CMKLR2: variants seen among roughly 807,000 people sequenced by gnomAD.
CMKLR2 encodes the protein chemerin-like receptor 2.
In CMKLR2, 18 loss-of-function variants were observed where a neutral mutation model predicts 23.0. The observed-to-expected ratio is 0.78, with a 90% CI of 0.54 to 1.16. CMKLR2 has a LOEUF of 1.16. Ranked by LOEUF, CMKLR2 falls within the 50% of genes most tolerant of loss-of-function variation. CMKLR2 has a pLI of 0.00. For synonymous variants in CMKLR2, 158 were observed against 158.9 expected (o/e 0.99, Z 0.05); for missense variants, 401 against 412.7 (o/e 0.97, Z 0.25).
intron 1 of CMKLR2, among the ~76,000 whole-genome samples, chr2:206,181,285 C>A (rs1688404809): frequency 6.6e-6 from 1 of 152,028 alleles, no homozygotes; most frequent in Admixed American, 6.6e-5. Flanking sequence ...GTCTTGATCT[C>A]CTGACCTCAA....
At chr2:206,207,928 G>A (rs1689398945) in intron 1 of CMKLR2, among the ~76,000 whole-genome samples, 2 of 151,282 alleles carry the variant, frequency 1.3e-5, no homozygotes, top group Admixed American at 1.3e-4. Context: ...TTTTAGTAGA[G>A]ACAGTTTCTC....
Position 206,177,095 on chromosome 2 carries a change from C to G in CMKLR2, c.153G>C (p.Leu51=), listed in dbSNP as rs1688256028. The stretch of plus-strand genomic sequence containing the variant: ...TGACGATGGCATTTCCTGGAATTCC[C>G]AGAACAAAAGCCAAACAATATAACA... ...SLVLYCLAFV[L]GIPGNAIVIW... is the part of the protein sequence containing the mutation. Residue 51 remains leucine, a synonymous_variant, in exon 2 of 2, where the codon CTG becomes CTC. Coordinates refer to ENST00000621141, the MANE Select transcript of CMKLR2 (RefSeq NM_001389445.1). 1 of 1,614,168 alleles carries G rather than the reference C, an allele frequency of 6.2e-7. No individual in the cohort carries two copies. The highest frequency in any genetic ancestry group is 8.5e-7 in the Non-Finnish European group (1 of 1,180,040).
At chr2:206,210,118 C>G (rs921367809) in intron 1 of CMKLR2, among the ~76,000 whole-genome samples, 1 of 151,940 alleles carries the variant, frequency 6.6e-6, no homozygotes, top group South Asian at 2.1e-4. Context: ...TGTGCGCCAC[C>G]ATGACTGGCT....
At chr2:206,215,539 A>G (rs980894350), upstream of CMKLR2, among the ~76,000 whole-genome samples, 1 of 152,224 alleles carries the variant, frequency 6.6e-6, no homozygotes, top group African/African-American at 2.4e-5. Context: ...GAAACCCAGG[A>G]AAGTGTAAGC....
chr2:206,194,119 A>G (rs1358168470), intron 1 of CMKLR2, among the ~76,000 whole-genome samples: 1 of 152,210 alleles, frequency 6.6e-6, no homozygotes, highest in East Asian at 1.9e-4. Flanking sequence ...CCACTTCACA[A>G]AACAATACTG....
At chr2:206,199,468 G>A (rs1216505152) in intron 1 of CMKLR2, among the ~76,000 whole-genome samples, 3 of 152,162 alleles carry the variant, frequency 2.0e-5, no homozygotes, top group Admixed American at 1.3e-4. Context: ...AAGAATGCCG[G>A]GAGGGAAAGA....
chr2:206,206,345 T>C (rs1689315638), intron 1 of CMKLR2, among the ~76,000 whole-genome samples: 1 of 152,162 alleles, frequency 6.6e-6, no homozygotes, highest in African/African-American at 2.4e-5. Context: ...CAATAACAAA[T>C]GGAAAGGCCA....
chr2:206,198,807 T>C (rs1688999785), intron 1 of CMKLR2, among the ~76,000 whole-genome samples: 3 of 152,134 alleles, frequency 2.0e-5, no homozygotes, highest in African/African-American at 7.2e-5. Flanking sequence ...TCTATTCAAA[T>C]ATTTCAGGTT....
chr2:206,178,994 C>T (rs1688316490), intron 1 of CMKLR2, among the ~76,000 whole-genome samples: 2 of 149,260 alleles, frequency 1.3e-5, no homozygotes, highest in African/African-American at 4.9e-5. Context: ...TTGCCCATAC[C>T]AAATTTTGTC....
At chr2:206,184,693 A>G (rs1688524519) in intron 1 of CMKLR2, among the ~76,000 whole-genome samples, 1 of 152,092 alleles carries the variant, frequency 6.6e-6, no homozygotes, top group East Asian at 1.9e-4. Flanking sequence ...CATCCAACCC[A>G]TAAGACTAAC....
chr2:206,188,565 C>T (rs1169563105), intron 1 of CMKLR2, among the ~76,000 whole-genome samples: 1 of 152,086 alleles, frequency 6.6e-6, no homozygotes, highest in African/African-American at 2.4e-5. Flanking sequence ...GTAGGGCCAC[C>T]CAAGTCTCTT....
intron 1 of CMKLR2, among the ~76,000 whole-genome samples, chr2:206,186,165 G>C (rs1010510804): frequency 6.7e-6 from 1 of 149,254 alleles, no homozygotes; most frequent in African/African-American, 2.5e-5. Context: ...AGGCTGGAGT[G>C]CAGTGGCGCA....
At chr2:206,185,474 G>A (rs749189599) in intron 1 of CMKLR2, among the ~76,000 whole-genome samples, 2 of 152,152 alleles carry the variant, frequency 1.3e-5, no homozygotes, top group Non-Finnish European at 2.9e-5. Flanking sequence ...AGGGCAGGAT[G>A]AGAAAACCGA....
Position 206,184,459 on chromosome 2 carries a change from G to A in CMKLR2, c.-28-7184C>T, listed in dbSNP as rs74976559. ...CTACAGATGTGCGCCACCACATACG[G>A]CTAATTTTTTTATTTTTAGTAAAGA... On this transcript the variant is annotated intron_variant, in intron 1 of 1. Coordinates refer to ENST00000621141, the MANE Select transcript of CMKLR2 (RefSeq NM_001389445.1). 1.1e-4 allele frequency among the ~76,000 whole-genome samples: 16 copies of A among 152,044 alleles called. No individual in the cohort carries two copies. In the East Asian group the frequency reaches 2.7e-3, roughly 26 times the overall value.
intron 1 of CMKLR2, among the ~76,000 whole-genome samples, chr2:206,179,085 T>G (rs1170141362): frequency 0.029 from 3,567 of 121,698 alleles, 463 homozygotes; most frequent in African/African-American, 0.1. Context: ...TTTTTTTTTT[T>G]TTTTTTTGAG....
intron 1 of CMKLR2, among the ~76,000 whole-genome samples, chr2:206,212,808 C>T (rs569742293): frequency 6.6e-6 from 1 of 152,296 alleles, no homozygotes; most frequent in South Asian, 2.1e-4. Context: ...TGGCGGGGAG[C>T]TGCATTACAA....
At chr2:206,209,935 A>G (rs1689484776) in intron 1 of CMKLR2, among the ~76,000 whole-genome samples, 1 of 150,078 alleles carries the variant, frequency 6.7e-6, no homozygotes, top group African/African-American at 2.4e-5. Flanking sequence ...GGCGTGAGCC[A>G]CTGCGCCCGG....
chr2:206,176,818 A>C lies in CMKLR2; in HGVS notation c.430T>G (p.Leu144Val). 1.9e-6 allele frequency: 3 copies of C among 1,614,198 alleles called. No individual in the cohort carries two copies. Among genetic ancestry groups the C allele is most frequent in the Non-Finnish European group, 2.5e-6 (3 of 1,180,036 alleles). Residue 144 changes from leucine (L) to valine (V), a missense_variant, in exon 2 of 2, where the codon TTA (leucine) becomes GTA (valine). Coordinates refer to ENST00000621141, the MANE Select transcript of CMKLR2 (RefSeq NM_001389445.1). ...DHYIHLIHPV[L>V]SHRHRTLKNS... ...TTGAGGGTTCGATGCCGATGAGATAAGACAGGATGGATCAAGTGGATATAG... is the reference window on the plus strand; with the variant it reads ...TTGAGGGTTCGATGCCGATGAGATACGACAGGATGGATCAAGTGGATATAG...
At position 206,204,134 on chromosome 2, in the gene CMKLR2, C is replaced by T. The variant is rs534622004; in HGVS notation, c.-29+9173G>A. Among the ~76,000 whole-genome samples the T allele has an allele frequency of 5.1e-4, 77 of 152,134 alleles. 2 individuals carry two copies. In the South Asian group the frequency reaches 0.016, roughly 31 times the overall value. On this transcript the variant is annotated intron_variant, in intron 1 of 1. Transcript: ENST00000621141. Reference sequence around the variant, plus strand: ...TTGGGAGTCCGAGGCGGGCGGATCACGAGGTCAGGAGATCGAGACCATCCT... The same window carrying T: ...TTGGGAGTCCGAGGCGGGCGGATCATGAGGTCAGGAGATCGAGACCATCCT...
Sources: allele counts gnomAD v4.1 joint callset (sites outside exome capture counted in the v4.1 genomes callset), GRCh38; gene constraint gnomAD v4.1.1; transcripts MANE v1.5; gene names NCBI Gene and HGNC (gene_info 2026-07-23, HGNC 2026-07-21).